SDK1: variants seen among roughly 807,000 people sequenced by gnomAD.
SDK1 encodes sidekick cell adhesion molecule 1, also known as protein sidekick-1.
A neutral mutation model predicts 245.5 loss-of-function variants in SDK1; 157 were observed. The observed-to-expected ratio is 0.64, with a 90% CI of 0.56 to 0.73. The LOEUF (loss-of-function observed/expected upper bound fraction) is 0.73, where lower values mean the gene tolerates loss of function less well. SDK1 is among the 30% of genes least tolerant of loss of function. The pLI, the probability that SDK1 is intolerant of heterozygous loss-of-function variation, is 0.00. For synonymous variants in SDK1, 1,647 were observed against 1,278.5 expected, an observed-to-expected ratio of 1.29 and a Z score of -6.15; for missense variants, 3,583 against 3,002.3, an observed-to-expected ratio of 1.19 and a Z score of -4.52.
intron 4 of SDK1, among the ~76,000 whole-genome samples, chr7:3,671,232 C>G (rs1366368027): frequency 6.6e-6 from 1 of 152,236 alleles, no homozygotes; most frequent in Non-Finnish European, 1.5e-5. Context: ...TGTCAAGTCA[C>G]TTCCTCTCAC....
At chr7:3,471,904 G>T (rs1431437384) in intron 1 of SDK1, among the ~76,000 whole-genome samples, 1 of 152,152 alleles carries the variant, frequency 6.6e-6, no homozygotes, top group African/African-American at 2.4e-5. Context: ...ATTTGATTTT[G>T]AGGAAAGGTT....
At chr7:4,204,034 T>C (rs1461382361) in intron 35 of SDK1, among the ~76,000 whole-genome samples, 1 of 152,184 alleles carries the variant, frequency 6.6e-6, no homozygotes, top group Non-Finnish European at 1.5e-5. Context: ...TACAGGCGGA[T>C]ATCCAAGTCC....
At chr7:3,747,693 C>G (rs1779664572) in intron 4 of SDK1, among the ~76,000 whole-genome samples, 2 of 139,698 alleles carry the variant, frequency 1.4e-5, no homozygotes, top group African/African-American at 3.3e-5. Flanking sequence ...TTTAACTTAG[C>G]CTGGGGTGTG....
chr7:3,570,779 T>G (rs559292128), intron 1 of SDK1, among the ~76,000 whole-genome samples: 10 of 152,338 alleles, frequency 6.6e-5, no homozygotes, highest in African/African-American at 2.2e-4. Context: ...TTTCAGGCTT[T>G]GCTCCACAAA....
intron 5 of SDK1, among the ~76,000 whole-genome samples, chr7:3,920,921 A>G (rs547467008): frequency 6.6e-6 from 1 of 152,322 alleles, no homozygotes; most frequent in South Asian, 2.1e-4. Flanking sequence ...AGGAGCGGGC[A>G]CTGAGGGGCA....
At chr7:3,755,563 C>G (rs1053853225) in intron 4 of SDK1, among the ~76,000 whole-genome samples, 4 of 152,150 alleles carry the variant, frequency 2.6e-5, no homozygotes, top group Non-Finnish European at 5.9e-5. Context: ...GTACCCCACA[C>G]TATTCACTCT....
chr7:3,689,841 A>G lies in SDK1; in HGVS notation c.713+47736A>G, dbSNP rs1278780796. ...TGAGTCTGTGTCTACACAGGCCCATATCTGCCAAATTACCTTTTGCAAAAA... is the reference window on the plus strand; with the variant it reads ...TGAGTCTGTGTCTACACAGGCCCATGTCTGCCAAATTACCTTTTGCAAAAA... On this transcript the variant is annotated intron_variant, in intron 4 of 44. Transcript: ENST00000404826. 2.6e-5 allele frequency among the ~76,000 whole-genome samples: 4 copies of G among 152,264 alleles called. No homozygotes were observed. In the South Asian group the frequency reaches 6.2e-4, roughly 24 times the overall value.
At chr7:4,075,813 C>G (rs547411057) in intron 20 of SDK1, among the ~76,000 whole-genome samples, 4 of 152,258 alleles carry the variant, frequency 2.6e-5, no homozygotes, top group Admixed American at 2.6e-4. Context: ...CACCACCATG[C>G]ATGGCTAATT....
At chr7:3,634,981 C>G (rs1782409459) in intron 2 of SDK1, among the ~76,000 whole-genome samples, 1 of 152,206 alleles carries the variant, frequency 6.6e-6, no homozygotes, top group Non-Finnish European at 1.5e-5. Flanking sequence ...AGTGATAAAA[C>G]TGTCTTTGTA....
At chr7:4,135,926 T>C (rs1390021330) in intron 28 of SDK1, among the ~76,000 whole-genome samples, 1 of 152,178 alleles carries the variant, frequency 6.6e-6, no homozygotes, top group Non-Finnish European at 1.5e-5. Context: ...TGCCTTGATT[T>C]GTCCTCCATA....
Position 3,962,731 on chromosome 7 carries a change from G to T in SDK1, c.1309G>T (p.Val437Leu). ...CAGGCTCCAGAATCCTCGATACAAAGTGCTCGCCAGCGGAGGCCTGCGCAT... is the reference window on the plus strand; with the variant it reads ...CAGGCTCCAGAATCCTCGATACAAATTGCTCGCCAGCGGAGGCCTGCGCAT... The part of the protein sequence containing the change: ...ISRLQNPRYK[V>L]LASGGLRIQK... Residue 437 changes from valine (V) to leucine (L), a missense_variant, in exon 9 of 45, where the codon GTG becomes TTG. By Grantham distance (32) the Val-to-Leu change is conservative. Transcript: ENST00000404826. 1 of 1,613,776 alleles carries T rather than the reference G, an allele frequency of 6.2e-7. No homozygotes were observed. Among genetic ancestry groups the T allele is most frequent in the Non-Finnish European group, 8.5e-7 (1 of 1,179,880 alleles).
chr7:3,461,253 A>G (rs1020667454), intron 1 of SDK1, among the ~76,000 whole-genome samples: 6 of 152,076 alleles, frequency 3.9e-5, no homozygotes, highest in South Asian at 2.1e-4. Context: ...ATTCCTGTCC[A>G]TTTTTGGAAC....
intron 44 of SDK1, among the ~76,000 whole-genome samples, chr7:4,247,943 T>G (rs1787002948): frequency 6.6e-6 from 1 of 152,128 alleles, no homozygotes; most frequent in Non-Finnish European, 1.5e-5. Flanking sequence ...CCAGGGATGG[T>G]GTGTCCTAGA....
chr7:4,245,132 T>TG (rs1488585062), intron 43 of SDK1, among the ~76,000 whole-genome samples: 1 of 151,686 alleles, frequency 6.6e-6, no homozygotes, highest in Non-Finnish European at 1.5e-5. Flanking sequence ...ATGATGGGGG[T>TG]GGGGGCAGTG....
chr7:4,178,476 A>G lies in SDK1; in HGVS notation c.4997-9A>G, dbSNP rs771681226. ...TGGAAGCTGATCCATATTTCCTTCA[A>G]CCCTGCAGATTTAAAGAAGTACCGG... On this transcript the variant is annotated splice_polypyrimidine_tract_variant and intron_variant, in intron 34 of 44. Coordinates refer to ENST00000404826, the MANE Select transcript of SDK1 (RefSeq NM_152744.4). 6.2e-7 allele frequency: 1 copy of G among 1,602,388 alleles called. No homozygotes were observed. Among genetic ancestry groups the G allele is most frequent in the Admixed American group, 1.7e-5 (1 of 60,008 alleles).
At chr7:3,530,867 G>C (rs1202393324) in intron 1 of SDK1, among the ~76,000 whole-genome samples, 1 of 152,134 alleles carries the variant, frequency 6.6e-6, no homozygotes, top group African/African-American at 2.4e-5. Flanking sequence ...ATTTCCCTAT[G>C]CATAAAAACA....
intron 17 of SDK1, among the ~76,000 whole-genome samples, chr7:4,027,023 A>G (rs1787407272): frequency 6.6e-6 from 1 of 152,218 alleles, no homozygotes; most frequent in African/African-American, 2.4e-5. Flanking sequence ...ATTTGGGATC[A>G]TGAAAAACGG....
chr7:3,514,747 G>A (rs1186518511), intron 1 of SDK1, among the ~76,000 whole-genome samples: 1 of 152,160 alleles, frequency 6.6e-6, no homozygotes, highest in African/African-American at 2.4e-5. Context: ...CAGAACTGTA[G>A]GTACGTGGAA....
intron 5 of SDK1, among the ~76,000 whole-genome samples, chr7:3,835,010 C>T (rs1230854102): frequency 6.6e-6 from 1 of 152,160 alleles, no homozygotes; most frequent in East Asian, 1.9e-4. Flanking sequence ...TCCTTTGGTG[C>T]AATGTTTTCC....
Sources: allele counts gnomAD v4.1 joint callset (sites outside exome capture counted in the v4.1 genomes callset), GRCh38; gene constraint gnomAD v4.1.1; transcripts MANE v1.5; gene names NCBI Gene and HGNC (gene_info 2026-07-23, HGNC 2026-07-21).